KLHL7: variants seen among roughly 807,000 people sequenced by gnomAD.
The protein encoded by KLHL7 is kelch-like protein 7.
A neutral mutation model predicts 67.4 loss-of-function variants in KLHL7; 44 were observed. The observed-to-expected ratio is 0.65, with a 90% confidence interval of 0.51 to 0.84. The LOEUF is 0.84. Ranked by LOEUF, KLHL7 falls within the 40% of genes least tolerant of loss-of-function variation. The pLI is 0.00. For missense variants in KLHL7, 362 were observed against 718.1 expected (o/e 0.50, Z 5.67); for synonymous variants, 252 against 243.3 (o/e 1.04, Z -0.33).
rs375499716 is a variant in KLHL7 at position 23,107,488 on chromosome 7, T to G, written c.120+1342T>G. 2.8e-4 allele frequency among the ~76,000 whole-genome samples: 42 copies of G among 152,354 alleles called. No homozygotes were observed. In the South Asian group the frequency reaches 8.3e-3, roughly 30 times the overall value. ...TGTTTTCATTCGTGGATCATAGCAT[T>G]GTAAAGCATTGCCTTAATCCCTAAA... On this transcript the variant is annotated intron_variant, in intron 1 of 10. Coordinates refer to ENST00000339077, the MANE Select transcript of KLHL7 (RefSeq NM_001031710.3).
chr7:23,146,626 A>G (rs1784363141), intron 6 of KLHL7, among the ~76,000 whole-genome samples: 1 of 149,644 alleles, frequency 6.7e-6, no homozygotes, highest in Non-Finnish European at 1.5e-5. Flanking sequence ...CCTCTTGTGC[A>G]TTTATCACTT....
In KLHL7 at chr7:23,106,098, T is replaced by A; in HGVS notation, c.72T>A (p.Ala24=). ...TEKKLAAREE[A]KLLAGFMGVM... is the part of the protein sequence containing the mutation. ...AGAAACTTGCTGCTCGGGAAGAAGC[T>A]AAATTGTTGGCGGGTTTCATGGGCG... The change falls in exon 1 of 11, where the codon GCT becomes GCA. Residue 24 remains alanine, a synonymous_variant. Transcript: ENST00000339077. 1 of 1,609,742 alleles carries A rather than the reference T, an allele frequency of 6.2e-7. No homozygotes were observed. The highest frequency in any genetic ancestry group is 8.5e-7 in the Non-Finnish European group (1 of 1,178,334).
chr7:23,140,627 T>C (rs757199352), intron 4 of KLHL7, 142 bp from the exon 5 acceptor site: 3 of 758,510 alleles, frequency 4.0e-6, no homozygotes, highest in South Asian at 2.9e-5. Flanking sequence ...GGCACAAGAA[T>C]AGACAAATCA....
intron 4 of KLHL7, among the ~76,000 whole-genome samples, chr7:23,134,905 GT>G (rs1247629792): frequency 1.3e-5 from 2 of 151,404 alleles, no homozygotes; most frequent in African/African-American, 4.9e-5. Flanking sequence ...ACAACTTTTT[GT>G]TTCATTGATC....
intron 10 of KLHL7, 138 bp downstream of exon 10, chr7:23,173,183 A>G (rs1357160845): frequency 4.6e-6 from 3 of 645,394 alleles, no homozygotes. Flanking sequence ...GTTTCTGGGA[A>G]TTAACATACT....
At chr7:23,120,659 T>TG (rs1481081495) in intron 1 of KLHL7, among the ~76,000 whole-genome samples, 1 of 152,086 alleles carries the variant, frequency 6.6e-6, no homozygotes, top group African/African-American at 2.4e-5. Flanking sequence ...CTCAAACTCC[T>TG]GGGCTCAAGT....
intron 4 of KLHL7, chr7:23,129,984 A>G (rs1783735907): frequency 1.3e-5 from 2 of 152,224 alleles, no homozygotes; most frequent in Non-Finnish European, 2.9e-5. Context: ...TTTGAAAATT[A>G]TATTATTTCT....
In KLHL7 at chr7:23,175,955, A is replaced by AG. The variant is rs2128470901; in HGVS notation, c.*1657_*1658insG. 2 of 131,084 alleles carry AG rather than the reference A, an allele frequency of 1.5e-5. No homozygotes were observed. The highest frequency in any genetic ancestry group is 5.6e-5 in the African/African-American group (2 of 35,584). 8.1% of individuals were successfully genotyped at this position (131,084 alleles called of 1,614,324 possible). On this transcript the variant is annotated 3_prime_UTR_variant, in exon 11 of 11. Coordinates refer to ENST00000339077, the MANE Select transcript of KLHL7 (RefSeq NM_001031710.3). ...CAGCCTGGGCAACAGAGCAAGACTA[A>AG]AAAAAAAAAAAAAAAAAAAAAAATG... is the stretch of plus-strand genomic sequence containing the variant.
chr7:23,141,629 CATTCATTT>C (rs895659625), intron 5 of KLHL7, among the ~76,000 whole-genome samples: 16 of 151,668 alleles, frequency 1.1e-4, no homozygotes, highest in Admixed American at 9.2e-4. Flanking sequence ...TTCATTCATT[CATTCATTT>C]ATTGAGACGG....
intron 6 of KLHL7, among the ~76,000 whole-genome samples, chr7:23,150,722 C>T: frequency 6.6e-6 from 1 of 152,176 alleles, no homozygotes; most frequent in Non-Finnish European, 1.5e-5. Flanking sequence ...CCATCCACAT[C>T]CCCACCATCA....
chr7:23,167,227 A>T (rs1002891818), intron 8 of KLHL7, among the ~76,000 whole-genome samples: 1 of 152,044 alleles, frequency 6.6e-6, no homozygotes, highest in Non-Finnish European at 1.5e-5. Context: ...AACATGATGA[A>T]TGTATGTTTT....
chr7:23,130,289 T>A (rs1783751753), intron 4 of KLHL7, among the ~76,000 whole-genome samples: 1 of 152,200 alleles, frequency 6.6e-6, no homozygotes, highest in Non-Finnish European at 1.5e-5. Context: ...ATAGAGATAT[T>A]TCTAGCCCTG....
intron 1 of KLHL7, among the ~76,000 whole-genome samples, chr7:23,116,748 A>C (rs1783106723): frequency 6.6e-6 from 1 of 152,230 alleles, no homozygotes. Context: ...GATGTCCAGC[A>C]TATAACTTAG....
chr7:23,123,631 T>A, intron 1 of KLHL7, 146 bp from the exon 2 acceptor site: 2 of 650,294 alleles, frequency 3.1e-6, no homozygotes, highest in Non-Finnish European at 5.4e-6. Flanking sequence ...TTTCTAAATA[T>A]GTCTTCAAAA....
intron 5 of KLHL7, among the ~76,000 whole-genome samples, chr7:23,141,866 G>A (rs1217665333): frequency 6.6e-6 from 1 of 151,814 alleles, no homozygotes; most frequent in East Asian, 1.9e-4. Flanking sequence ...CTTGTGATCT[G>A]CCCGCCTTGG....
intron 10 of KLHL7, 88 bp from the exon 11 acceptor site, chr7:23,173,927 T>C: frequency 7.5e-7 from 1 of 1,340,048 alleles, no homozygotes; most frequent in East Asian, 2.3e-5. Context: ...CAATAAAATA[T>C]TGGAAAAATA....
In KLHL7 at chr7:23,147,123, G is replaced by T. The variant is rs113002093; in HGVS notation, c.793+3098G>T. On this transcript the variant is annotated intron_variant, in intron 6 of 10. Transcript: ENST00000339077. ...TTTTTTTTTTTTTTTAGACAGTCTCGCTGGCTTCCAGGCTGGAGTGCAGTG... is the reference window on the plus strand; with the variant it reads ...TTTTTTTTTTTTTTTAGACAGTCTCTCTGGCTTCCAGGCTGGAGTGCAGTG... Among the ~76,000 whole-genome samples the T allele has an allele frequency of 2.0e-3, 271 of 134,164 alleles. 3 individuals carry two copies. The highest frequency in any genetic ancestry group is 7.3e-3 in the African/African-American group (257 of 35,166). 88.0% of individuals were successfully genotyped at this position (134,164 alleles called of 152,430 possible).
Position 23,166,607 on chromosome 7 carries a change from G to A in KLHL7, c.1177+669G>A, listed in dbSNP as rs190520667. ...GCTAATAAAGAAAACTAGGGAGACC[G>A]TAAATGGTTATACTTTTGGTCTGCA... On this transcript the variant is annotated intron_variant, in intron 8 of 10. Transcript: ENST00000339077. 3.5e-3 allele frequency among the ~76,000 whole-genome samples: 526 copies of A among 152,212 alleles called. 1 individual carries two copies. The highest frequency in any genetic ancestry group is 0.016 in the South Asian group (77 of 4,820).
chr7:23,163,747 A>G (rs541886764), intron 7 of KLHL7, among the ~76,000 whole-genome samples: 1 of 152,366 alleles, frequency 6.6e-6, no homozygotes, highest in East Asian at 1.9e-4. Context: ...GTACGTGTGT[A>G]TAATGAGAGA....
Sources: gnomAD v4.1 joint callset for allele counts (sites outside exome capture counted in the v4.1 genomes callset) on GRCh38, gnomAD v4.1.1 for gene constraint, MANE v1.5 for transcripts, NCBI Gene and HGNC (gene_info 2026-07-23, HGNC 2026-07-21) for gene names.